Variants in MAPK10 observed in about 807,000 individuals in gnomAD.
MAPK10 encodes the protein JNK3 alpha protein kinase.
MAPK10 carries 25 observed loss-of-function variants against 59.3 expected under a neutral mutation model. The ratio of observed to expected loss-of-function variants is 0.42; its 90% CI spans 0.31 to 0.59. The LOEUF (loss-of-function observed/expected upper bound fraction) is 0.59, where lower values mean the gene tolerates loss of function less well. MAPK10 is among the 20% of genes least tolerant of loss of function. The pLI is 0.15. For synonymous variants in MAPK10, 190 were observed against 200.5 expected (o/e 0.95, Z 0.44); for missense variants, 351 against 568.9 (o/e 0.62, Z 3.90).
At chr4:86,532,260 A>G (rs1757910377) in intron 1 of MAPK10, among the ~76,000 whole-genome samples, 2 of 152,202 alleles carry the variant, frequency 1.3e-5, no homozygotes, top group South Asian at 2.1e-4. Flanking sequence ...TGCTACCTTC[A>G]GGTAGTTTAT....
intron 4 of MAPK10, 157 bp from the exon 5 acceptor site, chr4:86,107,509 A>C (rs2056759774): frequency 6.1e-6 from 8 of 1,314,250 alleles, no homozygotes; most frequent in Admixed American, 3.5e-5. Flanking sequence ...TAAAGATATG[A>C]GTGACTGGCA....
chr4:86,144,947 GCTAAGT>G (rs1396118265), intron 4 of MAPK10, among the ~76,000 whole-genome samples: 4 of 152,102 alleles, frequency 2.6e-5, no homozygotes, highest in South Asian at 2.1e-4. Context: ...GGACACAGTA[GCTAAGT>G]CTAAGTTTCT....
Position 86,351,558 on chromosome 4 carries a change from A to C in MAPK10, c.-7+2972T>G, listed in dbSNP as rs1052265561. ...TGTTTGTTACATATGCCCTACTAGCAATTCTTTGGTTTATGCACTTATTTT... is the reference window on the plus strand; with the variant it reads ...TGTTTGTTACATATGCCCTACTAGCCATTCTTTGGTTTATGCACTTATTTT... On this transcript the variant is annotated intron_variant, in intron 2 of 13. Coordinates refer to ENST00000641462, the MANE Select transcript of MAPK10 (RefSeq NM_138982.4). Among the ~76,000 whole-genome samples, 4 of 152,170 alleles carry C rather than the reference A, an allele frequency of 2.6e-5. No individual in the cohort carries two copies. The South Asian group carries it at 8.3e-4, about 32-fold the overall frequency.
intron 2 of MAPK10, among the ~76,000 whole-genome samples, chr4:86,228,619 A>G (rs1320852064): frequency 1.3e-5 from 2 of 152,320 alleles, no homozygotes; most frequent in African/African-American, 4.8e-5. Context: ...TTGTAAGCAT[A>G]ATTCTATCAC....
chr4:86,473,238 C>T (rs1752802217), intron 1 of MAPK10, among the ~76,000 whole-genome samples: 1 of 152,058 alleles, frequency 6.6e-6, no homozygotes. Context: ...TATGTTGAAG[C>T]CACAAATACT....
At chr4:86,189,595 C>A (rs954740238) in intron 3 of MAPK10, among the ~76,000 whole-genome samples, 2 of 151,974 alleles carry the variant, frequency 1.3e-5, no homozygotes, top group Admixed American at 6.6e-5. Context: ...TGCAAATTGA[C>A]TTTGTATCTT....
intron 1 of MAPK10, among the ~76,000 whole-genome samples, chr4:86,557,167 T>C (rs969847623): frequency 1.3e-5 from 2 of 152,076 alleles, no homozygotes; most frequent in Non-Finnish European, 2.9e-5. Context: ...AGTGGACCAT[T>C]AGTGAAATTC....
chr4:86,521,000 G>A (rs976438794), intron 1 of MAPK10, among the ~76,000 whole-genome samples: 2 of 152,198 alleles, frequency 1.3e-5, no homozygotes, highest in Non-Finnish European at 2.9e-5. Flanking sequence ...ACCAGCACCC[G>A]GTCTGGTGGA....
chr4:86,120,330 A>G (rs1031224099), intron 4 of MAPK10: 6 of 152,236 alleles, frequency 3.9e-5, no homozygotes. Flanking sequence ...TCCCTCAAAG[A>G]CGTATCAAAA....
At chr4:86,255,449 G>A (rs140439774) in intron 2 of MAPK10, among the ~76,000 whole-genome samples, 36 of 152,234 alleles carry the variant, frequency 2.4e-4, no homozygotes, top group Non-Finnish European at 2.1e-4. Context: ...AAGACATCTC[G>A]AGAGGAAGAG....
chr4:86,499,720 T>C (rs910288320), intron 1 of MAPK10, among the ~76,000 whole-genome samples: 1 of 152,208 alleles, frequency 6.6e-6, no homozygotes, highest in African/African-American at 2.4e-5. Flanking sequence ...TTATTCCAAG[T>C]AGTGATGTAT....
intron 1 of MAPK10, among the ~76,000 whole-genome samples, chr4:86,374,532 G>A (rs1054633659): frequency 5.9e-5 from 9 of 152,162 alleles, no homozygotes; most frequent in African/African-American, 1.9e-4. Flanking sequence ...GTGGCAGTCA[G>A]AGCAGCTATG....
rs141617521 is a variant in MAPK10, at chr4:86,258,446, A to G, written c.-6-64039T>C. Among the ~76,000 whole-genome samples the G allele has an allele frequency of 9.9e-5, 15 of 152,236 alleles. No homozygotes were observed. The East Asian group carries it at 2.7e-3, about 27-fold the overall frequency. On this transcript the variant is annotated intron_variant, in intron 2 of 13. Coordinates refer to ENST00000641462, the MANE Select transcript of MAPK10 (RefSeq NM_138982.4). ...ACCCCTTCTATGTTGGTTTACCCCC[A>G]CTGTATCTATAATTATGTTCAAAAT...
intron 4 of MAPK10, among the ~76,000 whole-genome samples, chr4:86,109,747 AC>A (rs1312514632): frequency 6.6e-6 from 1 of 152,190 alleles, no homozygotes; most frequent in Non-Finnish European, 1.5e-5. Flanking sequence ...TTGGGTATAT[AC>A]CCGGTAATGG....
chr4:86,583,825 G>A (rs1762475178), intron 1 of MAPK10, among the ~76,000 whole-genome samples: 1 of 152,120 alleles, frequency 6.6e-6, no homozygotes, highest in Non-Finnish European at 1.5e-5. Context: ...AGGTAACAGT[G>A]CTTTAAATAA....
At position 86,012,221 on chromosome 4, in the gene MAPK10, G is replaced by A. The variant is rs947443149; in HGVS notation, c.*5007C>T. The stretch of plus-strand genomic sequence containing the variant: ...TGAAGGTCAGTTTTAGAAGAAACCA[G>A]TGTCAAATGAAAACACAGATTTCTA... On this transcript the variant is annotated 3_prime_UTR_variant, in exon 14 of 14. Transcript: ENST00000641462. 4.6e-5 allele frequency: 7 copies of A among 152,132 alleles called. No homozygotes were observed. Among genetic ancestry groups the A allele is most frequent in the African/African-American group, 1.7e-4 (7 of 41,444 alleles). 9.4% of individuals were successfully genotyped at this position (152,132 alleles called of 1,614,324 possible).
chr4:86,053,359 A>G (rs1365113839), intron 11 of MAPK10, among the ~76,000 whole-genome samples: 1 of 152,160 alleles, frequency 6.6e-6, no homozygotes, highest in African/African-American at 2.4e-5. Context: ...GGTTAAGAGG[A>G]GATTCTTTGA....
upstream of MAPK10, among the ~76,000 whole-genome samples, chr4:86,362,653 A>G (rs375415422): frequency 3.9e-5 from 6 of 152,284 alleles, no homozygotes; most frequent in Non-Finnish European, 7.4e-5. Context: ...GGCATTTGAC[A>G]AAGGAAAATT....
At chr4:86,173,602 AT>A (rs2074934686) in intron 3 of MAPK10, among the ~76,000 whole-genome samples, 1 of 152,218 alleles carries the variant, frequency 6.6e-6, no homozygotes, top group Non-Finnish European at 1.5e-5. Context: ...ACCAAAAGCA[AT>A]TGCAACAAAA....
Sources: allele counts gnomAD v4.1 joint callset (sites outside exome capture counted in the v4.1 genomes callset), GRCh38; gene constraint gnomAD v4.1.1; transcripts MANE v1.5; gene names NCBI Gene and HGNC (gene_info 2026-07-23, HGNC 2026-07-21).